PRPF19: variants seen among roughly 807,000 people sequenced by gnomAD.
The protein encoded by PRPF19 is pre-mRNA processing factor 19.
Under a neutral mutation model 64.2 loss-of-function variants are expected in PRPF19, and 2 were observed. The ratio of observed to expected loss-of-function variants is 0.03; its 90% CI spans 0.01 to 0.10. PRPF19 has a LOEUF of 0.10. PRPF19 is among the 10% of genes least tolerant of loss of function. The probability of loss-of-function intolerance (pLI) is 1.00; values close to 1 mark genes in which losing one functional copy is unlikely to be tolerated. For missense variants in PRPF19, 314 were observed against 650.0 expected (o/e 0.48, Z 5.62); for synonymous variants, 226 against 251.6 (o/e 0.90, Z 0.96).
chr11:60,904,006 G>C, intron 1 of PRPF19, 145 bp from the exon 2 acceptor site: 1 of 951,048 alleles, frequency 1.1e-6, no homozygotes, highest in South Asian at 1.7e-5. Context: ...AGCCAGTTCT[G>C]TACTGGCCCC....
intron 15 of PRPF19, among the ~76,000 whole-genome samples, chr11:60,892,423 C>G (rs182972933): frequency 4.5e-4 from 68 of 152,320 alleles, no homozygotes; most frequent in Non-Finnish European, 8.2e-4. Context: ...GACTACGTGC[C>G]AGACACCGTT....
chr11:60,898,598 G>A lies in PRPF19; in HGVS notation c.1083C>T (p.Asp361=), dbSNP rs7933251. ...CSLTCAQFHP[D]GLIFGTGTMD... is the part of the protein sequence containing the mutation. ...TGGTTCCTGTTCCAAAGATGAGTCC[G>A]TCAGGGTGGAACTGTGCACAGGTGA... is the stretch of plus-strand genomic sequence containing the variant. The change falls in exon 13 of 16, where the codon GAC becomes GAT. Residue 361 remains aspartate (D), a synonymous_variant. Coordinates refer to ENST00000227524, the MANE Select transcript of PRPF19 (RefSeq NM_014502.5). This position sits in a 1 kb window ranked among gnomAD's most constrained non-coding sequence, Gnocchi z 4.6. 7.1e-3 allele frequency: 11,482 copies of A among 1,614,030 alleles called. 655 individuals carry two copies. The African/African-American group carries it at 0.13, about 18-fold the overall frequency.
At chr11:60,891,937 C>T (rs769274590) in intron 15 of PRPF19, among the ~76,000 whole-genome samples, 9 of 152,154 alleles carry the variant, frequency 5.9e-5, no homozygotes, top group East Asian at 1.9e-4. Context: ...CAGGAGAATA[C>T]GGGGCAAGAA....
Position 60,898,672 on chromosome 11 carries a change from GA to G in PRPF19, c.1055-47del. 6.2e-7 allele frequency: 1 copy of G among 1,612,882 alleles called. No individual in the cohort carries two copies. Among genetic ancestry groups the G allele is most frequent in the Non-Finnish European group, 8.5e-7 (1 of 1,179,382 alleles). ...ACCTGTGGTCAGAGCCCACCAGGGAGAGAGACTAAGAGCAGCAAAGGTAGGT... is the reference window on the plus strand; with the variant it reads ...ACCTGTGGTCAGAGCCCACCAGGGAGGAGACTAAGAGCAGCAAAGGTAGGT... On this transcript the variant is annotated intron_variant, in intron 12 of 15. Transcript: ENST00000227524. The surrounding 1 kb of genome is among the most constrained non-coding windows in gnomAD (Gnocchi z 4.6).
rs1312670842 is a variant in PRPF19 at position 60,890,949 on chromosome 11, C to T, written c.*217G>A. Reference sequence around the variant, plus strand: ...GGCCTTAAGAGGGTGACAGTTCTTCCTTCCACATCCGTTCCCATGGGGCCT... The same window carrying T: ...GGCCTTAAGAGGGTGACAGTTCTTCTTTCCACATCCGTTCCCATGGGGCCT... On this transcript the variant is annotated 3_prime_UTR_variant, in exon 16 of 16. Coordinates refer to ENST00000227524, the MANE Select transcript of PRPF19 (RefSeq NM_014502.5). The T allele has an allele frequency of 3.3e-6, 2 of 610,108 alleles. No individual in the cohort carries two copies. Among genetic ancestry groups the T allele is most frequent in the Non-Finnish European group, 6.0e-6 (2 of 335,390 alleles). The allele number at this position is 610,108 out of a possible 1,614,324, so 37.8% of individuals were successfully genotyped here. A position where few individuals can be genotyped will look rare whatever the true frequency, so the allele number is the denominator to read the frequency against.
chr11:60,891,827 C>T (rs551844443), intron 15 of PRPF19, among the ~76,000 whole-genome samples: 19 of 152,300 alleles, frequency 1.2e-4, no homozygotes, highest in African/African-American at 4.3e-4. Context: ...CTACCTAACT[C>T]GGTTCTAAAT....
intron 1 of PRPF19, 145 bp downstream of exon 1, chr11:60,906,219 C>T: frequency 7.7e-7 from 1 of 1,296,984 alleles, no homozygotes; most frequent in South Asian, 1.7e-5. Context: ...ACGGGGGGGG[C>T]TCCGGTGCTG....
chr11:60,900,111 T>C (rs1223226555), intron 10 of PRPF19, among the ~76,000 whole-genome samples: 1 of 152,164 alleles, frequency 6.6e-6, no homozygotes, highest in Admixed American at 6.5e-5. Context: ...ATAATATCAT[T>C]AATCTGGTCC....
chr11:60,898,316 A>G lies in PRPF19; in HGVS notation c.1141-45T>C, dbSNP rs1436847228. On this transcript the variant is annotated intron_variant, in intron 13 of 15. Transcript: ENST00000227524. This position sits in a 1 kb window ranked among gnomAD's most constrained non-coding sequence, Gnocchi z 4.6. The stretch of plus-strand genomic sequence containing the variant: ...TAAAATACGTCACCCACAGATCATG[A>G]GAGGAAGAAAATGGGGCTCACCAAA... 1.9e-6 allele frequency: 3 copies of G among 1,596,118 alleles called. No individual in the cohort carries two copies. Among genetic ancestry groups the G allele is most frequent in the African/African-American group, 2.7e-5 (2 of 74,134 alleles).
At position 60,899,158 on chromosome 11, in the gene PRPF19, G is replaced by A. The variant is rs3750984; in HGVS notation, c.975C>T (p.Ser325=). The part of the protein sequence containing the change: ...HATGDYLLSS[S]DDQYWAFSDI... The stretch of plus-strand genomic sequence containing the variant: ...CTGGCTGGGACCGCACCTGATCATC[G>A]GAGGAGCTCAGGAGATAGTCGCCAG... Residue 325 remains serine (S), a synonymous_variant, in exon 11 of 16, where the codon TCC becomes TCT. Transcript: ENST00000227524. The A allele has an allele frequency of 2.4e-5, 38 of 1,612,370 alleles. No homozygotes were observed. In the East Asian group the frequency reaches 4.0e-4, roughly 17 times the overall value.
intron 8 of PRPF19, 42 bp downstream of exon 8, chr11:60,901,253 C>T (rs573878366): frequency 7.7e-5 from 123 of 1,604,506 alleles, no homozygotes; most frequent in African/African-American, 6.7e-5. Flanking sequence ...AGAAACAAAA[C>T]GGGAGGGCTG....
Position 60,901,525 on chromosome 11 carries a change from T to A in PRPF19, c.541A>T (p.Thr181Ser). The part of the protein sequence containing the change: ...EIIQKLQDKA[T>S]VLTTERKKRG... Reference sequence around the variant, plus strand: ...TTCTTGCGCTCCGTGGTTAGCACAGTGGCTTTGTCTTGAAGCTGGGGAAGA... The same window carrying A: ...TTCTTGCGCTCCGTGGTTAGCACAGAGGCTTTGTCTTGAAGCTGGGGAAGA... Residue 181 changes from threonine to serine, a missense_variant, in exon 7 of 16, where the codon ACT (threonine) becomes TCT (serine). By Grantham distance (58) the Thr-to-Ser change is moderately conservative. This residue lies in a region of PRPF19 where 175 missense variants were observed against 342.9 expected (regional missense o/e 0.51). Transcript: ENST00000227524. The A allele has an allele frequency of 6.2e-7, 1 of 1,614,198 alleles. No individual in the cohort carries two copies. Among genetic ancestry groups the A allele is most frequent in the Non-Finnish European group, 8.5e-7 (1 of 1,180,034 alleles).
intron 1 of PRPF19, among the ~76,000 whole-genome samples, chr11:60,905,739 T>C (rs1399959498): frequency 1.3e-5 from 2 of 152,226 alleles, no homozygotes; most frequent in Non-Finnish European, 2.9e-5. Flanking sequence ...TAGGGAATTC[T>C]TGTGAGGATA....
rs759004687 is a variant in PRPF19 at position 60,903,902 on chromosome 11, A to G, written c.20-41T>C. 6 of 1,595,288 alleles carry G rather than the reference A, an allele frequency of 3.8e-6. No homozygotes were observed. In the Admixed American group the frequency reaches 1.1e-4, roughly 30 times the overall value. On this transcript the variant is annotated intron_variant, in intron 1 of 15. Transcript: ENST00000227524. The stretch of plus-strand genomic sequence containing the variant: ...TGGTAGTGAGCTTGGAGTGAAGGCA[A>G]TCTTGGGCCTAGAGGATTCCTCATC...
In PRPF19 at chr11:60,898,707, C is replaced by T; in HGVS notation, c.1055-81G>A. 6.2e-7 allele frequency: 1 copy of T among 1,601,394 alleles called. No individual in the cohort carries two copies. The highest frequency in any genetic ancestry group is 8.5e-7 in the Non-Finnish European group (1 of 1,172,968). On this transcript the variant is annotated intron_variant, in intron 12 of 15. Coordinates refer to ENST00000227524, the MANE Select transcript of PRPF19 (RefSeq NM_014502.5). This position sits in a 1 kb window ranked among gnomAD's most constrained non-coding sequence, Gnocchi z 4.6. The stretch of plus-strand genomic sequence containing the variant: ...GAGCAGCAAAGGTAGGTTCCTTGTT[C>T]TTCACATTCCTCAGTGAACCCAGCA...
At position 60,901,544 on chromosome 11, in the gene PRPF19, G is replaced by A; in HGVS notation, c.526-4C>T. Reference sequence around the variant, plus strand: ...GCACAGTGGCTTTGTCTTGAAGCTGGGGAAGAACAGGCTCAATGTGAGACA... The same window carrying A: ...GCACAGTGGCTTTGTCTTGAAGCTGAGGAAGAACAGGCTCAATGTGAGACA... On this transcript the variant is annotated splice_region_variant and splice_polypyrimidine_tract_variant and intron_variant, in intron 6 of 15. Coordinates refer to ENST00000227524, the MANE Select transcript of PRPF19 (RefSeq NM_014502.5). The A allele has an allele frequency of 6.2e-7, 1 of 1,614,136 alleles. No individual in the cohort carries two copies. The highest frequency in any genetic ancestry group is 8.5e-7 in the Non-Finnish European group (1 of 1,180,038).
At chr11:60,892,106 C>T (rs1445291004) in intron 15 of PRPF19, among the ~76,000 whole-genome samples, 1 of 152,190 alleles carries the variant, frequency 6.6e-6, no homozygotes, top group East Asian at 1.9e-4. Flanking sequence ...CTGTCACACC[C>T]TGCAAAGCTG....
chr11:60,897,812 A>T (rs1437392052), intron 15 of PRPF19, 34 bp downstream of exon 15: 1 of 1,574,832 alleles, frequency 6.3e-7, no homozygotes, highest in Non-Finnish European at 8.7e-7. Flanking sequence ...CTGGGCACCT[A>T]GAGAGATCCC....
chr11:60,894,549 G>A (rs537491768), intron 15 of PRPF19, among the ~76,000 whole-genome samples: 1 of 152,228 alleles, frequency 6.6e-6, no homozygotes, highest in African/African-American at 2.4e-5. Context: ...TCCCTCCATG[G>A]AAGTCCTCAA....
Sources: allele counts gnomAD v4.1 joint callset (sites outside exome capture counted in the v4.1 genomes callset), GRCh38; gene constraint gnomAD v4.1.1; regional missense constraint gnomAD v4.1.1; non-coding constraint Gnocchi (gnomAD v3.1); transcripts MANE v1.5; gene names NCBI Gene and HGNC (gene_info 2026-07-23, HGNC 2026-07-21).